ULK4: variants seen among roughly 807,000 people sequenced by gnomAD.
ULK4 encodes the protein inactive serine/threonine-protein kinase ULK4.
Under a neutral mutation model 160.6 loss-of-function variants are expected in ULK4, and 133 were observed. That is an observed-to-expected ratio of 0.83 (90% CI 0.72 to 0.96). The LOEUF is 0.96. Among genes scored for constraint, ULK4 ranks in the 40% least tolerant of loss-of-function variants. ULK4 has a pLI of 0.00. For missense variants in ULK4, 1,580 were observed against 1,499.5 expected, an observed-to-expected ratio of 1.05 and a Z score of -0.89; for synonymous variants, 534 against 539.8, an observed-to-expected ratio of 0.99 and a Z score of 0.15.
At chr3:41,587,018 G>A (rs2030867507) in intron 31 of ULK4, among the ~76,000 whole-genome samples, 1 of 152,042 alleles carries the variant, frequency 6.6e-6, no homozygotes, top group South Asian at 2.1e-4. Context: ...TCTACGTAGG[G>A]TCTCACAATA....
At chr3:41,509,642 C>A (rs1248948173) in intron 32 of ULK4, among the ~76,000 whole-genome samples, 2 of 152,176 alleles carry the variant, frequency 1.3e-5, no homozygotes, top group African/African-American at 4.8e-5. Flanking sequence ...AGAAACTCTA[C>A]AAGCCAGACA....
chr3:41,474,169 C>T (rs1169230884), intron 32 of ULK4, among the ~76,000 whole-genome samples: 1 of 152,026 alleles, frequency 6.6e-6, no homozygotes, highest in African/African-American at 2.4e-5. Context: ...GACACATTGA[C>T]CAGTAGAAAA....
rs374035799 is a variant in ULK4 at position 41,463,036 on chromosome 3, A to C, written c.3393+51T>G. The C allele has an allele frequency of 1.6e-4, 247 of 1,563,022 alleles. 1 individual carries two copies. The African/African-American group carries it at 2.8e-3, about 18-fold the overall frequency. On this transcript the variant is annotated intron_variant, in intron 33 of 36. Transcript: ENST00000301831. ...ATAAGAAAGAAGAGAATGAAAGGGA[A>C]GCATGAAATGGAGTAGGGCTGCTCA...
At chr3:41,723,124 G>GAATTT (rs1172938037) in intron 22 of ULK4, among the ~76,000 whole-genome samples, 1 of 152,006 alleles carries the variant, frequency 6.6e-6, no homozygotes, top group Non-Finnish European at 1.5e-5. Flanking sequence ...GGTACCTTTA[G>GAATTT]TCTTAATTTG....
chr3:41,854,344 T>A (rs2042285016), intron 17 of ULK4, among the ~76,000 whole-genome samples: 1 of 152,154 alleles, frequency 6.6e-6, no homozygotes, highest in Admixed American at 6.5e-5. Context: ...AAGGTGGCTA[T>A]CCTTATAGGC....
intron 18 of ULK4, among the ~76,000 whole-genome samples, chr3:41,828,582 T>C (rs941053501): frequency 7.3e-6 from 1 of 137,284 alleles, no homozygotes; most frequent in Non-Finnish European, 1.5e-5. Flanking sequence ...GGAATCCAAC[T>C]TACAAGGGAT....
chr3:41,953,385 C>T (rs1700368332), intron 2 of ULK4, among the ~76,000 whole-genome samples: 1 of 149,880 alleles, frequency 6.7e-6, no homozygotes, highest in Admixed American at 6.7e-5. Context: ...TTACTGCAAC[C>T]TCTGCCTCCC....
At chr3:41,704,986 G>A (rs973293982) in intron 27 of ULK4, 71 bp downstream of exon 27, 252 of 1,229,544 alleles carry the variant, frequency 2.0e-4, no homozygotes, top group Admixed American at 5.7e-4. Context: ...CACTGTAAAC[G>A]AGGCCTCTTT....
At chr3:41,574,320 G>A (rs926676009) in intron 31 of ULK4, among the ~76,000 whole-genome samples, 6 of 151,970 alleles carry the variant, frequency 3.9e-5, no homozygotes, top group Admixed American at 3.3e-4. Context: ...ACAAACCTTA[G>A]AATCATCGGG....
At chr3:41,554,927 G>A (rs199900371) in intron 32 of ULK4, among the ~76,000 whole-genome samples, 1 of 152,070 alleles carries the variant, frequency 6.6e-6, no homozygotes, top group Non-Finnish European at 1.5e-5. Flanking sequence ...TAGACTCAGT[G>A]AGAGAACATA....
In ULK4 at chr3:41,754,413, G is replaced by A. The variant is rs1224159964; in HGVS notation, c.2269C>T (p.Leu757=). 8 of 1,613,486 alleles carry A rather than the reference G, an allele frequency of 5.0e-6. 1 individual carries two copies. The highest frequency in any genetic ancestry group is 1.3e-5 in the African/African-American group (1 of 74,828). ...CIRAKAFLVL[L]YILIYNREML... is the part of the protein sequence containing the mutation. ...TCACGGTTATAAATCAAAATATATA[G>A]AAGAACCAGGAAGGCTTTTGCTCTA... is the stretch of plus-strand genomic sequence containing the variant. Residue 757 remains leucine (L), a synonymous_variant, in exon 22 of 37, where the codon CTA becomes TTA. Coordinates refer to ENST00000301831, the MANE Select transcript of ULK4 (RefSeq NM_017886.4).
At chr3:41,859,806 C>T (rs1411290646) in intron 17 of ULK4, among the ~76,000 whole-genome samples, 3 of 150,954 alleles carry the variant, frequency 2.0e-5, no homozygotes, top group Non-Finnish European at 3.0e-5. Flanking sequence ...TACAGGTGCA[C>T]GCCACCATGC....
chr3:41,502,752 T>A (rs551407340), intron 32 of ULK4, among the ~76,000 whole-genome samples: 6 of 152,188 alleles, frequency 3.9e-5, no homozygotes, highest in Non-Finnish European at 8.8e-5. Flanking sequence ...CAAAACTATG[T>A]AGGCATAAAA....
chr3:41,702,914 C>T (rs2036729749), intron 27 of ULK4, among the ~76,000 whole-genome samples: 1 of 147,528 alleles, frequency 6.8e-6, no homozygotes, highest in Non-Finnish European at 1.5e-5. Context: ...AGTGCAGCAG[C>T]ACAACCTCAG....
intron 22 of ULK4, among the ~76,000 whole-genome samples, chr3:41,725,107 G>A (rs1198738710): frequency 6.6e-6 from 1 of 151,964 alleles, no homozygotes; most frequent in East Asian, 1.9e-4. Context: ...ATAATTTTAA[G>A]GTAGCCTAAT....
intron 31 of ULK4, among the ~76,000 whole-genome samples, chr3:41,582,264 G>T (rs983960094): frequency 6.6e-6 from 1 of 152,018 alleles, no homozygotes; most frequent in Non-Finnish European, 1.5e-5. Flanking sequence ...TGCCATGATT[G>T]TAAGACTTCC....
intron 31 of ULK4, among the ~76,000 whole-genome samples, chr3:41,588,000 G>A (rs1162995623): frequency 2.6e-5 from 4 of 152,156 alleles, no homozygotes; most frequent in Non-Finnish European, 5.9e-5. Flanking sequence ...TAAGTCAGGA[G>A]CACTAATTAT....
In ULK4 at chr3:41,514,392, T is replaced by G. The variant is rs1422611120; in HGVS notation, c.3227-51139A>C. 2.0e-5 allele frequency among the ~76,000 whole-genome samples: 3 copies of G among 152,276 alleles called. No homozygotes were observed. The East Asian group carries it at 5.8e-4, about 29-fold the overall frequency. On this transcript the variant is annotated intron_variant, in intron 32 of 36. Transcript: ENST00000301831. The stretch of plus-strand genomic sequence containing the variant: ...GAGGGGGTCGTGCGAAGCAAAGGAA[T>G]AGGGTCATGTTTGATCCAAATGACT...
At chr3:41,337,700 A>G (rs995555615) in intron 35 of ULK4, among the ~76,000 whole-genome samples, 1 of 152,202 alleles carries the variant, frequency 6.6e-6, no homozygotes, top group African/African-American at 2.4e-5. Flanking sequence ...TCCTCATTTC[A>G]TAAGATGGAA....
Sources: gnomAD v4.1 joint callset for allele counts (sites outside exome capture counted in the v4.1 genomes callset) on GRCh38, gnomAD v4.1.1 for gene constraint, MANE v1.5 for transcripts, NCBI Gene and HGNC (gene_info 2026-07-23, HGNC 2026-07-21) for gene names.